TRIO: variants seen among roughly 807,000 people sequenced by gnomAD.
The protein encoded by TRIO is trio Rho guanine nucleotide exchange factor.
Under a neutral mutation model 351.9 loss-of-function variants are expected in TRIO, and 58 were observed. That is an observed-to-expected ratio of 0.16 (90% CI 0.13 to 0.21). The LOEUF (loss-of-function observed/expected upper bound fraction) is 0.21, where lower values mean the gene tolerates loss of function less well. TRIO is among the 10% of genes least tolerant of loss of function. The pLI is 1.00. For missense variants in TRIO, 3,201 were observed against 4,027.8 expected (o/e 0.79, Z 5.56); for synonymous variants, 1,758 against 1,595.7 (o/e 1.10, Z -2.42).
intron 20 of TRIO, among the ~76,000 whole-genome samples, chr5:14,379,267 C>T (rs1227603289): frequency 6.6e-6 from 1 of 152,226 alleles, no homozygotes; most frequent in African/African-American, 2.4e-5. Context: ...CTTGCAACCT[C>T]ATATGCAGCT....
At chr5:14,372,220 G>T (rs1302965545) in intron 18 of TRIO, among the ~76,000 whole-genome samples, 3 of 135,602 alleles carry the variant, frequency 2.2e-5, no homozygotes, top group African/African-American at 8.0e-5. Flanking sequence ...CGGAGGGGGG[G>T]CGATGGTGGG....
intron 1 of TRIO, among the ~76,000 whole-genome samples, chr5:14,242,751 A>AT (rs111415066): frequency 4.1e-4 from 63 of 151,926 alleles, no homozygotes; most frequent in Non-Finnish European, 6.5e-4. Flanking sequence ...CTTTTAAAAC[A>AT]TTTTTTTTAC....
chr5:14,332,062 C>G (rs1740950003), intron 10 of TRIO, among the ~76,000 whole-genome samples: 3 of 152,210 alleles, frequency 2.0e-5, no homozygotes, highest in Non-Finnish European at 1.5e-5. Context: ...AAGGAAGAAT[C>G]TGGTTTTGAG....
intron 34 of TRIO, among the ~76,000 whole-genome samples, chr5:14,436,911 C>T (rs774770919): frequency 6.6e-6 from 1 of 152,204 alleles, no homozygotes; most frequent in South Asian, 2.1e-4. Context: ...TTTCCAGGCT[C>T]ACGGTGCAAG....
intron 55 of TRIO, among the ~76,000 whole-genome samples, chr5:14,506,507 C>T (rs1453610042): frequency 2.0e-5 from 3 of 152,178 alleles, no homozygotes; most frequent in African/African-American, 7.2e-5. Context: ...TGAGTTTCCT[C>T]GTGTATCAAA....
chr5:14,324,639 A>C (rs966812271), intron 9 of TRIO, among the ~76,000 whole-genome samples: 4 of 152,084 alleles, frequency 2.6e-5, no homozygotes, highest in African/African-American at 9.7e-5. Context: ...AGTTGAGAAG[A>C]CCTCCATTTG....
At chr5:14,294,376 AAG>A (rs1737164374) in intron 6 of TRIO, among the ~76,000 whole-genome samples, 1 of 152,246 alleles carries the variant, frequency 6.6e-6, no homozygotes, top group South Asian at 2.1e-4. Flanking sequence ...AATTTAAAGT[AAG>A]AGAATTTCTG....
At chr5:14,448,950 A>G (rs923535578) in intron 34 of TRIO, among the ~76,000 whole-genome samples, 7 of 152,194 alleles carry the variant, frequency 4.6e-5, no homozygotes, top group Non-Finnish European at 1.0e-4. Context: ...AATATATTTT[A>G]GGGGCTGGCT....
At chr5:14,500,840 G>T (rs1757234789) in intron 53 of TRIO, among the ~76,000 whole-genome samples, 1 of 140,566 alleles carries the variant, frequency 7.1e-6, no homozygotes, top group Non-Finnish European at 1.5e-5. Context: ...AGTGAGTCGA[G>T]ATTGCACCAC....
At chr5:14,254,351 T>C (rs1794912080) in intron 1 of TRIO, among the ~76,000 whole-genome samples, 1 of 152,204 alleles carries the variant, frequency 6.6e-6, no homozygotes, top group Admixed American at 6.5e-5. Flanking sequence ...TTTGTATTTT[T>C]AGTAGAGACG....
At chr5:14,416,941 CG>C (rs1321169013) in intron 33 of TRIO, among the ~76,000 whole-genome samples, 3 of 152,172 alleles carry the variant, frequency 2.0e-5, no homozygotes, top group Admixed American at 6.5e-5. Flanking sequence ...AGTGAAGCAG[CG>C]GGTGGCATCA....
chr5:14,161,607 T>C (rs1369582000), intron 1 of TRIO, among the ~76,000 whole-genome samples: 2 of 152,198 alleles, frequency 1.3e-5, no homozygotes, highest in Non-Finnish European at 2.9e-5. Context: ...ATGCCTGTGG[T>C]TCCTTAACTC....
intron 41 of TRIO, among the ~76,000 whole-genome samples, chr5:14,478,641 T>C (rs1755272121): frequency 6.6e-6 from 1 of 152,094 alleles, no homozygotes; most frequent in Non-Finnish European, 1.5e-5. Context: ...ATGGCAGTAA[T>C]TCTTTGTTTA....
intron 1 of TRIO, among the ~76,000 whole-genome samples, chr5:14,168,658 T>C (rs553205617): frequency 1.4e-4 from 22 of 152,372 alleles, no homozygotes; most frequent in African/African-American, 4.6e-4. Context: ...CCTTTTTAGC[T>C]AGCATTCAGT....
At chr5:14,369,311 C>A in intron 17 of TRIO, 63 bp from the exon 18 acceptor site, 1 of 1,530,850 alleles carries the variant, frequency 6.5e-7, no homozygotes, top group African/African-American at 1.4e-5. Flanking sequence ...AAAGGGCTTT[C>A]CAGGGATACC....
intron 1 of TRIO, among the ~76,000 whole-genome samples, chr5:14,203,696 T>C (rs1270853599): frequency 6.6e-6 from 1 of 152,206 alleles, no homozygotes; most frequent in Non-Finnish European, 1.5e-5. Context: ...TTGACGGGCA[T>C]CTGTGACTGA....
At chr5:14,246,980 C>T (rs1794476018) in intron 1 of TRIO, among the ~76,000 whole-genome samples, 1 of 152,370 alleles carries the variant, frequency 6.6e-6, no homozygotes, top group Non-Finnish European at 1.5e-5. Context: ...GTCCTCCTGG[C>T]CTCGCTCCTT....
intron 8 of TRIO, among the ~76,000 whole-genome samples, chr5:14,316,099 C>G (rs1739359826): frequency 6.6e-6 from 1 of 152,210 alleles, no homozygotes; most frequent in Non-Finnish European, 1.5e-5. Context: ...TTCTCTTTAA[C>G]ATGTCTCGAG....
rs1394086150 is a variant in TRIO, at chr5:14,487,793, G to A, written c.7165G>A (p.Ala2389Thr). 1 of 1,394,720 alleles carries A rather than the reference G, an allele frequency of 7.2e-7. No individual in the cohort carries two copies. The highest frequency in any genetic ancestry group is 1.5e-5 in the South Asian group (1 of 65,002). The allele number at this position is 1,394,720 out of a possible 1,614,324, so 86.4% of individuals were successfully genotyped here. A position where few individuals can be genotyped will look rare whatever the true frequency, so the allele number is the denominator to read the frequency against. Residue 2389 changes from alanine to threonine, a missense_variant, in exon 48 of 57, where the codon GCG (alanine) becomes ACG (threonine). Ala to Thr is a moderately conservative substitution (Grantham distance 58). Around this residue, in one of 19 missense-constraint regions of TRIO, gnomAD observed 1,089 missense variants for 954.9 expected, o/e 1.14. Coordinates refer to ENST00000344204, the MANE Select transcript of TRIO (RefSeq NM_007118.4). ...CGCGGCCCCCGAGGCCGGCCCCAGC[G>A]CGCCCAGCAGGCGGCCCCCCGGCGC... is the stretch of plus-strand genomic sequence containing the variant. The part of the protein sequence containing the change: ...PGAAPEAGPS[A>T]PSRRPPGADA...
Sources: gnomAD v4.1 joint callset for allele counts (sites outside exome capture counted in the v4.1 genomes callset) on GRCh38, gnomAD v4.1.1 for gene constraint, gnomAD v4.1.1 regional missense constraint, MANE v1.5 for transcripts, NCBI Gene and HGNC (gene_info 2026-07-23, HGNC 2026-07-21) for gene names.